Variants in NUP205 observed in about 807,000 individuals in gnomAD.
NUP205 encodes nucleoporin 205, also known as nuclear pore complex protein Nup205.
NUP205 carries 76 observed loss-of-function variants against 253.8 expected under a neutral mutation model. That is an observed-to-expected ratio of 0.30 (90% CI 0.25 to 0.36). NUP205 has a LOEUF of 0.36. Among genes scored for constraint, NUP205 ranks in the 10% least tolerant of loss-of-function variants. NUP205 has a pLI of 1.00. For synonymous variants in NUP205, 832 were observed against 850.1 expected, an observed-to-expected ratio of 0.98 and a Z score of 0.37; for missense variants, 2,162 against 2,425.5, an observed-to-expected ratio of 0.89 and a Z score of 2.28.
intron 38 of NUP205, among the ~76,000 whole-genome samples, chr7:135,638,931 A>G (rs1794868053): frequency 6.6e-6 from 1 of 152,198 alleles, no homozygotes; most frequent in Non-Finnish European, 1.5e-5. Context: ...ATAGCACTTG[A>G]GGGCTCAAAG....
chr7:135,571,615 C>A (rs79444184), intron 2 of NUP205, among the ~76,000 whole-genome samples: 3,812 of 152,034 alleles, frequency 0.025, 79 homozygotes, highest in South Asian at 0.077. Flanking sequence ...TTATGAGGTA[C>A]GTGAGATGTT....
chr7:135,583,497 C>G (rs543267485), intron 7 of NUP205, among the ~76,000 whole-genome samples: 1 of 152,036 alleles, frequency 6.6e-6, no homozygotes, highest in Non-Finnish European at 1.5e-5. Flanking sequence ...CAGTGACTCA[C>G]GCCTGTAATC....
chr7:135,620,569 A>G (rs1193850591), intron 30 of NUP205, among the ~76,000 whole-genome samples: 1 of 152,236 alleles, frequency 6.6e-6, no homozygotes, highest in African/African-American at 2.4e-5. Context: ...GATATGGATG[A>G]AACACTTATC....
intron 1 of NUP205, among the ~76,000 whole-genome samples, chr7:135,566,561 A>C (rs1399637279): frequency 1.3e-5 from 2 of 152,208 alleles, no homozygotes; most frequent in Non-Finnish European, 1.5e-5. Context: ...TGATCTGTCT[A>C]TGTAAGGAAG....
chr7:135,567,992 G>A (rs1398959610), intron 1 of NUP205, among the ~76,000 whole-genome samples: 2 of 152,176 alleles, frequency 1.3e-5, no homozygotes, highest in East Asian at 1.9e-4. Flanking sequence ...TTGGGAGGCC[G>A]AGGTGGGCAG....
rs35185893 is a variant in NUP205 at position 135,570,788 on chromosome 7, T to TATATTAATATATATTGATTATATTAA, written c.29-317_29-316insATATTAATATATATTGATTATATTAA. On this transcript the variant is annotated intron_variant, in intron 1 of 42. Transcript: ENST00000285968. ...TTATATTAATATATATTAATTATAT[T>TATATTAATATATATTGATTATATTAA]TATATATTATATTAATATATATTAA... Among the ~76,000 whole-genome samples, 92 of 48,920 alleles carry TATATTAATATATATTGATTATATTAA rather than the reference T, an allele frequency of 1.9e-3. 7 individuals carry two copies. In the East Asian group the frequency reaches 0.02, roughly 11 times the overall value. The allele number at this position is 48,920 out of a possible 152,430, so 32.1% of individuals were successfully genotyped here.
chr7:135,622,619 C>T (rs947182468), intron 30 of NUP205, among the ~76,000 whole-genome samples, 158 bp from the exon 31 acceptor site: 3 of 151,570 alleles, frequency 2.0e-5, no homozygotes, highest in African/African-American at 7.3e-5. Flanking sequence ...CTTGGACCCA[C>T]CGGTCAGTGG....
Position 135,607,290 on chromosome 7 carries a change from C to T in NUP205, c.3114C>T (p.Asn1038=), listed in dbSNP as rs145409498. ...CPRTCLHAIL[N]ILEKGTEGRT... ...GGACATGCCTTCACGCCATTCTAAA[C>T]ATCTTGGAGAAAGGAACGGAAGGGA... Residue 1038 remains asparagine, a synonymous_variant, in exon 22 of 43, where the codon AAC becomes AAT. Coordinates refer to ENST00000285968, the MANE Select transcript of NUP205 (RefSeq NM_015135.3). The T allele has an allele frequency of 2.7e-5, 44 of 1,613,982 alleles. No homozygotes were observed. The highest frequency in any genetic ancestry group is 5.0e-5 in the Admixed American group (3 of 60,002).
chr7:135,597,851 T>A (rs1036638857), intron 14 of NUP205, 147 bp from the exon 15 acceptor site: 1 of 668,664 alleles, frequency 1.5e-6, no homozygotes, highest in Non-Finnish European at 2.5e-6. Context: ...AATACTTTTT[T>A]ATCTTTTCCT....
intron 28 of NUP205, among the ~76,000 whole-genome samples, chr7:135,618,970 T>A (rs1009208383): frequency 5.9e-5 from 9 of 152,204 alleles, no homozygotes; most frequent in African/African-American, 2.2e-4. Flanking sequence ...TAAATTTCTC[T>A]GTATATATTA....
chr7:135,630,480 T>C lies in NUP205; in HGVS notation c.5059+10T>C, dbSNP rs761351483. ...AAAGCAGCACTTCCTGGTGAGTTGA[T>C]TATGTTGAAAGGATTTTTAATAATT... On this transcript the variant is annotated intron_variant, in intron 35 of 42. Coordinates refer to ENST00000285968, the MANE Select transcript of NUP205 (RefSeq NM_015135.3). 6.3e-7 allele frequency: 1 copy of C among 1,581,908 alleles called. No homozygotes were observed. Among genetic ancestry groups the C allele is most frequent in the South Asian group, 1.2e-5 (1 of 85,624 alleles).
Position 135,630,446 on chromosome 7 carries a change from A to G in NUP205, c.5035A>G (p.Ile1679Val), listed in dbSNP as rs1334642342. The change falls in exon 35 of 43, where the codon ATT becomes GTT. Residue 1679 changes from isoleucine (I) to valine (V), a missense_variant. Ile to Val is a conservative substitution (Grantham distance 29). Around this residue, in one of 5 missense-constraint regions of NUP205, gnomAD observed 1,144 missense variants for 1,280.9 expected, o/e 0.89. Transcript: ENST00000285968. ...GCAGGAATTGGCTCTGCTGACAGGA[A>G]TTATAAGTAAAGCAGCACTTCCTGG... ...SLQELALLTG[I>V]ISKAALPGIL... The G allele has an allele frequency of 4.4e-6, 7 of 1,608,632 alleles. No individual in the cohort carries two copies. In the Admixed American group the frequency reaches 1.2e-4, roughly 27 times the overall value.
chr7:135,618,597 T>C lies in NUP205; in HGVS notation c.3957T>C (p.His1319=). ...LIIRDILQDV[H]DKILDDEAAQ... is the part of the protein sequence containing the mutation. ...TTCGTGATATTTTACAAGATGTGCATGATAAGGTGACGTACTTCCTAAAAT... is the reference window on the plus strand; with the variant it reads ...TTCGTGATATTTTACAAGATGTGCACGATAAGGTGACGTACTTCCTAAAAT... The change falls in exon 28 of 43, where the codon CAT becomes CAC. Residue 1319 remains histidine, a synonymous_variant. Transcript: ENST00000285968. 8 of 1,593,734 alleles carry C rather than the reference T, an allele frequency of 5.0e-6. No homozygotes were observed. Among genetic ancestry groups the C allele is most frequent in the Non-Finnish European group, 6.8e-6 (8 of 1,169,760 alleles).
intron 15 of NUP205, among the ~76,000 whole-genome samples, chr7:135,599,579 G>C (rs985464931): frequency 2.6e-5 from 4 of 152,016 alleles, no homozygotes; most frequent in Non-Finnish European, 5.9e-5. Flanking sequence ...CTTTTTTACA[G>C]TTGTTTTAAA....
At chr7:135,647,510 A>AGTTTGTTT (rs932023805) in intron 42 of NUP205, among the ~76,000 whole-genome samples, 1 of 152,132 alleles carries the variant, frequency 6.6e-6, no homozygotes, top group Admixed American at 6.5e-5. Context: ...ATTATTCAGA[A>AGTTTGTTT]GTTTGTTTGT....
Position 135,573,718 on chromosome 7 carries a change from G to A in NUP205, c.236G>A (p.Gly79Asp), listed in dbSNP as rs776572734. Reference sequence around the variant, plus strand: ...AGTACAGAGGGAGTCGCCATTCAGGGTCAACAGGGAACTCGACTTCTTCCT... The same window carrying A: ...AGTACAGAGGGAGTCGCCATTCAGGATCAACAGGGAACTCGACTTCTTCCT... ...KASTEGVAIQ[G>D]QQGTRLLPEQ... Residue 79 changes from glycine to aspartate, a missense_variant, in exon 3 of 43, where the codon GGT becomes GAT. By Grantham distance (94) the Gly-to-Asp change is moderately conservative. This residue lies in a region of NUP205 where 109 missense variants were observed against 131.8 expected (regional missense o/e 0.83). Coordinates refer to ENST00000285968, the MANE Select transcript of NUP205 (RefSeq NM_015135.3). The A allele has an allele frequency of 6.2e-7, 1 of 1,613,990 alleles. No homozygotes were observed. Among genetic ancestry groups the A allele is most frequent in the African/African-American group, 1.3e-5 (1 of 75,014 alleles).
intron 10 of NUP205, among the ~76,000 whole-genome samples, chr7:135,589,474 GATGGGGTTTCTCC>G (rs1806565292): frequency 6.6e-6 from 1 of 150,976 alleles, no homozygotes; most frequent in Non-Finnish European, 1.5e-5. Flanking sequence ...TTTTAGTAGA[GATGGGGTTTCTCC>G]ATGTTGGTCA....
chr7:135,624,578 C>T (rs138621915), intron 31 of NUP205, among the ~76,000 whole-genome samples: 201 of 152,164 alleles, frequency 1.3e-3, no homozygotes, highest in African/African-American at 4.6e-3. Context: ...GGAGTTTCAC[C>T]ATCCTGGCCA....
chr7:135,585,575 G>A (rs1018778788), intron 8 of NUP205, among the ~76,000 whole-genome samples: 24 of 149,760 alleles, frequency 1.6e-4, no homozygotes, highest in African/African-American at 5.6e-4. Flanking sequence ...TTTTTGAGAT[G>A]GAGTCTTGCT....
Sources: allele counts gnomAD v4.1 joint callset (sites outside exome capture counted in the v4.1 genomes callset), GRCh38; gene constraint gnomAD v4.1.1; regional missense constraint gnomAD v4.1.1; transcripts MANE v1.5; gene names NCBI Gene and HGNC (gene_info 2026-07-23, HGNC 2026-07-21).